Variants in SETD7 observed in about 807,000 individuals in gnomAD.
SETD7 encodes the protein SET domain containing 7, histone lysine methyltransferase.
SETD7 carries 16 observed loss-of-function variants against 41.8 expected under a neutral mutation model. The observed-to-expected ratio is 0.38, with a 90% CI of 0.26 to 0.58. SETD7 has a LOEUF of 0.58. SETD7 is among the 20% of genes least tolerant of loss of function. The pLI, the probability that SETD7 is intolerant of heterozygous loss-of-function variation, is 0.64. For synonymous variants in SETD7, 163 were observed against 169.7 expected, an observed-to-expected ratio of 0.96 and a Z score of 0.31; for missense variants, 346 against 459.7, an observed-to-expected ratio of 0.75 and a Z score of 2.26.
downstream of SETD7, among the ~76,000 whole-genome samples, chr4:139,494,417 A>C (rs17280300): frequency 6.6e-6 from 1 of 152,202 alleles, no homozygotes; most frequent in Admixed American, 6.5e-5. Flanking sequence ...AATTATTATG[A>C]CTAAACAGGC....
chr4:139,550,631 CAT>C (rs888829210), intron 1 of SETD7, among the ~76,000 whole-genome samples: 1 of 152,170 alleles, frequency 6.6e-6, no homozygotes, highest in African/African-American at 2.4e-5. Flanking sequence ...CTTCTTTCAA[CAT>C]TAGTGCTAGA....
chr4:139,540,126 G>C (rs1380751461), intron 2 of SETD7, among the ~76,000 whole-genome samples: 1 of 152,134 alleles, frequency 6.6e-6, no homozygotes, highest in Non-Finnish European at 1.5e-5. Context: ...TACACTTTAA[G>C]GGTCTTTACA....
At chr4:139,546,786 CTACAGG>C in intron 2 of SETD7, 128 bp downstream of exon 2, 3 of 1,233,956 alleles carry the variant, frequency 2.4e-6, no homozygotes, top group Non-Finnish European at 3.5e-6. Flanking sequence ...AAAGCAGTGC[CTACAGG>C]TAGGGGTTAA....
At position 139,529,022 on chromosome 4, in the gene SETD7, T is replaced by A; in HGVS notation, c.562+9A>T. The A allele has an allele frequency of 1.2e-6, 2 of 1,612,600 alleles. No homozygotes were observed. The highest frequency in any genetic ancestry group is 1.7e-6 in the Non-Finnish European group (2 of 1,179,410). On this transcript the variant is annotated intron_variant, in intron 4 of 7. Coordinates refer to ENST00000274031, the MANE Select transcript of SETD7 (RefSeq NM_030648.4). ...TTGGAGCAACCCATCTGAAGCAGATTCAACTTACTTCCAGGCATCAGTTCA... is the reference window on the plus strand; with the variant it reads ...TTGGAGCAACCCATCTGAAGCAGATACAACTTACTTCCAGGCATCAGTTCA...
At chr4:139,495,003 T>C (rs977325140), downstream of SETD7, among the ~76,000 whole-genome samples, 2 of 152,268 alleles carry the variant, frequency 1.3e-5, no homozygotes, top group African/African-American at 4.8e-5. Context: ...ATAGCCAGAA[T>C]ATGACATTAT....
intron 2 of SETD7, chr4:139,546,505 T>C: frequency 6.5e-6 from 2 of 305,700 alleles, no homozygotes; most frequent in Non-Finnish European, 1.3e-5. Flanking sequence ...GTGTGACCCT[T>C]GGAAAAAAGT....
rs56132171 is a variant in SETD7, at chr4:139,517,475, C to CAAAAAA, written c.920+404_920+409dup. On this transcript the variant is annotated intron_variant, in intron 7 of 7. Coordinates refer to ENST00000274031, the MANE Select transcript of SETD7 (RefSeq NM_030648.4). Reference sequence around the variant, plus strand: ...GGGCATCAAGAAGGAAAATCCATCTCAAAAAAAAAAAAAAAAAAAAAAAAA... The same window carrying CAAAAAA: ...GGGCATCAAGAAGGAAAATCCATCTCAAAAAAAAAAAAAAAAAAAAAAAAAAAAAAA... Among the ~76,000 whole-genome samples the CAAAAAA allele has an allele frequency of 9.7e-5, 13 of 134,032 alleles. 1 individual carries two copies. The highest frequency in any genetic ancestry group is 4.1e-4 in the African/African-American group (13 of 31,734). 87.9% of individuals were successfully genotyped at this position (134,032 alleles called of 152,430 possible). A position where few individuals can be genotyped will look rare whatever the true frequency, so the allele number is the denominator to read the frequency against.
intron 2 of SETD7, among the ~76,000 whole-genome samples, chr4:139,537,484 C>CA (rs11386267): frequency 0.45 from 68,656 of 152,010 alleles, 16,721 homozygotes; most frequent in Non-Finnish European, 0.53. Context: ...TGTTTTCCTA[C>CA]AAAGTAAATC....
rs376787471 is a variant in SETD7 at position 139,548,239 on chromosome 4, T to C, written c.41-1190A>G. The C allele has an allele frequency of 3.3e-5, 5 of 152,354 alleles. No individual in the cohort carries two copies. In the East Asian group the frequency reaches 9.6e-4, roughly 29 times the overall value. 9.4% of individuals were successfully genotyped at this position (152,354 alleles called of 1,614,324 possible). On this transcript the variant is annotated intron_variant, in intron 1 of 7. Transcript: ENST00000274031. The stretch of plus-strand genomic sequence containing the variant: ...ACATAAAAGGCAACACAAACCATAC[T>C]ACCACAGTGAAAGCTTTAGTCTCCT...
At chr4:139,515,288 C>T (rs2111126903) in intron 7 of SETD7, among the ~76,000 whole-genome samples, 1 of 152,184 alleles carries the variant, frequency 6.6e-6, no homozygotes, top group East Asian at 1.9e-4. Context: ...CTTCTCATTA[C>T]CCCAAATAAC....
In SETD7 at chr4:139,556,181, C is replaced by T. The variant is rs367717236; in HGVS notation, c.-44G>A. On this transcript the variant is annotated 5_prime_UTR_variant, in exon 1 of 8. Transcript: ENST00000274031. ...CCAGCTCGGGGCTGCGCGGCTGCCT[C>T]CCGTCCCTCTGGGTGCTCCCGGCGG... 5.5e-5 allele frequency: 87 copies of T among 1,573,378 alleles called. No individual in the cohort carries two copies. Among genetic ancestry groups the T allele is most frequent in the Non-Finnish European group, 1.1e-5 (13 of 1,160,366 alleles).
Position 139,555,451 on chromosome 4 carries a change from G to C in SETD7, c.40+647C>G, listed in dbSNP as rs1043807205. ...ACTGAGTTCGCTCGGGGGCAGCTGA[G>C]GGGAGGGCTGCCCGCCTCCCGGACG... On this transcript the variant is annotated intron_variant, in intron 1 of 7. Coordinates refer to ENST00000274031, the MANE Select transcript of SETD7 (RefSeq NM_030648.4). The surrounding 1 kb of genome is among the most constrained non-coding windows in gnomAD (Gnocchi z 4.0). Among the ~76,000 whole-genome samples the C allele has an allele frequency of 2.6e-5, 4 of 152,122 alleles. No individual in the cohort carries two copies. Among genetic ancestry groups the C allele is most frequent in the Non-Finnish European group, 5.9e-5 (4 of 68,012 alleles).
At chr4:139,546,745 C>G (rs541434606) in intron 2 of SETD7, 175 bp downstream of exon 2, 2 of 792,970 alleles carry the variant, frequency 2.5e-6, no homozygotes, top group Non-Finnish European at 2.0e-6. Context: ...GCTGGCTGTC[C>G]CATAACCACA....
chr4:139,517,025 A>G (rs183987869), intron 7 of SETD7, among the ~76,000 whole-genome samples: 1 of 152,344 alleles, frequency 6.6e-6, no homozygotes, highest in East Asian at 1.9e-4. Context: ...CACTTAGCAT[A>G]GTGTCTACAA....
Position 139,511,287 on chromosome 4 carries a change from T to A in SETD7, c.*376A>T. On this transcript the variant is annotated 3_prime_UTR_variant, in exon 8 of 8. Transcript: ENST00000274031. ...GTGCTAACACAATTTGCACTGGCCATAGGAAAAAAGCACTATGGAAAAACC... is the reference window on the plus strand; with the variant it reads ...GTGCTAACACAATTTGCACTGGCCAAAGGAAAAAAGCACTATGGAAAAACC... The A allele has an allele frequency of 3.7e-6, 1 of 268,116 alleles. No homozygotes were observed. Among genetic ancestry groups the A allele is most frequent in the South Asian group, 3.8e-5 (1 of 26,410 alleles). 16.6% of individuals were successfully genotyped at this position (268,116 alleles called of 1,614,324 possible). A position where few individuals can be genotyped will look rare whatever the true frequency, so the allele number is the denominator to read the frequency against.
At chr4:139,534,470 C>T (rs2111155554) in intron 2 of SETD7, among the ~76,000 whole-genome samples, 1 of 152,208 alleles carries the variant, frequency 6.6e-6, no homozygotes, top group East Asian at 1.9e-4. Context: ...TCACTGCAGC[C>T]TCGACCTCCT....
chr4:139,535,600 T>C (rs1193261438), intron 2 of SETD7, among the ~76,000 whole-genome samples: 1 of 152,204 alleles, frequency 6.6e-6, no homozygotes, highest in Non-Finnish European at 1.5e-5. Flanking sequence ...CTGTATTCAG[T>C]GGCTTGTCCT....
downstream of SETD7, among the ~76,000 whole-genome samples, chr4:139,504,594 T>G (rs1471870610): frequency 6.6e-6 from 1 of 152,180 alleles, no homozygotes; most frequent in African/African-American, 2.4e-5. Context: ...AACTACAGCA[T>G]AAAGTCCTTC....
rs1210510407 is a variant in SETD7, at chr4:139,509,356, CA to C, written c.*2306del. The C allele has an allele frequency of 7.2e-5, 11 of 152,174 alleles. No homozygotes were observed. Among genetic ancestry groups the C allele is most frequent in the Non-Finnish European group, 1.6e-4 (11 of 68,034 alleles). The allele number at this position is 152,174 out of a possible 1,614,324, so 9.4% of individuals were successfully genotyped here. ...GTTTTAAGCTCAGAGTGTTACCATT[CA>C]ATATCTCATCTGAAGAACTGATTAG... On this transcript the variant is annotated 3_prime_UTR_variant, in exon 8 of 8. Transcript: ENST00000274031.
Sources: allele counts gnomAD v4.1 joint callset (sites outside exome capture counted in the v4.1 genomes callset), GRCh38; gene constraint gnomAD v4.1.1; non-coding constraint Gnocchi (gnomAD v3.1); transcripts MANE v1.5; gene names NCBI Gene and HGNC (gene_info 2026-07-23, HGNC 2026-07-21).